ADAMTS17: variants seen among roughly 807,000 people sequenced by gnomAD.
ADAMTS17 encodes ADAM metallopeptidase with thrombospondin type 1 motif 17.
In ADAMTS17, 113 loss-of-function variants were observed where a neutral mutation model predicts 141.5. The ratio of observed to expected loss-of-function variants is 0.80; its 90% CI spans 0.69 to 0.93. The LOEUF (loss-of-function observed/expected upper bound fraction) is 0.93, where lower values mean the gene tolerates loss of function less well. Ranked by LOEUF, ADAMTS17 falls within the 40% of genes least tolerant of loss-of-function variation. The pLI is 0.00. For synonymous variants in ADAMTS17, 768 were observed against 630.6 expected (o/e 1.22, Z -3.27); for missense variants, 1,659 against 1,517.9 (o/e 1.09, Z -1.54).
At chr15:100,137,477 G>A (rs558991564) in intron 10 of ADAMTS17, among the ~76,000 whole-genome samples, 4 of 152,246 alleles carry the variant, frequency 2.6e-5, no homozygotes, top group African/African-American at 9.6e-5. Flanking sequence ...AAAGGGTGGG[G>A]CTTGGAGGTG....
intron 12 of ADAMTS17, among the ~76,000 whole-genome samples, chr15:100,125,600 T>A (rs982743299): frequency 6.6e-6 from 1 of 151,768 alleles, no homozygotes; most frequent in African/African-American, 2.4e-5. Context: ...TCCTCTCCCC[T>A]CCCTCCCCAG....
At position 100,296,605 on chromosome 15, in the gene ADAMTS17, A is replaced by ATG. The variant is rs764662958; in HGVS notation, c.617-15206_617-15205dup. 5.5e-4 allele frequency among the ~76,000 whole-genome samples: 77 copies of ATG among 140,012 alleles called. 1 individual carries two copies. The East Asian group carries it at 0.014, about 25-fold the overall frequency. 91.9% of individuals were successfully genotyped at this position (140,012 alleles called of 152,430 possible). ...GGTGTGTGTGTGTGTGTGTGTGTGT[A>ATG]TGTGTGTGTGTGCGCATGCACGCGC... is the stretch of plus-strand genomic sequence containing the variant. On this transcript the variant is annotated intron_variant, in intron 3 of 21. Coordinates refer to ENST00000268070, the MANE Select transcript of ADAMTS17 (RefSeq NM_139057.4).
At chr15:100,296,580 G>GTGTGT (rs1555504074) in intron 3 of ADAMTS17, among the ~76,000 whole-genome samples, 38 of 108,010 alleles carry the variant, frequency 3.5e-4, no homozygotes, top group African/African-American at 1.1e-3. Flanking sequence ...GGTGAGGGGG[G>GTGTGT]GTGTGTGTGT....
At chr15:100,250,615 T>C (rs1415658897) in intron 7 of ADAMTS17, among the ~76,000 whole-genome samples, 1 of 152,184 alleles carries the variant, frequency 6.6e-6, no homozygotes, top group Non-Finnish European at 1.5e-5. Context: ...TGGACTTCTG[T>C]TCCTGATTGT....
chr15:99,974,901 G>C lies in ADAMTS17; in HGVS notation c.3128-339C>G, dbSNP rs1389643814. 2.6e-5 allele frequency among the ~76,000 whole-genome samples: 4 copies of C among 152,198 alleles called. No homozygotes were observed. In the East Asian group the frequency reaches 5.8e-4, roughly 22 times the overall value. On this transcript the variant is annotated intron_variant, in intron 21 of 21. Transcript: ENST00000268070. ...CATTACTGTAGGCATTTATAAAACA[G>C]GACAACATGGAACAGTGGACATCAA...
intron 7 of ADAMTS17, among the ~76,000 whole-genome samples, chr15:100,236,782 G>GCAGTCAT (rs2042669884): frequency 6.6e-6 from 1 of 152,124 alleles, no homozygotes; most frequent in Non-Finnish European, 1.5e-5. Flanking sequence ...AGGCTGCAGT[G>GCAGTCAT]AGCTATGACT....
chr15:100,331,271 C>G (rs780804901), intron 2 of ADAMTS17, among the ~76,000 whole-genome samples: 1 of 152,128 alleles, frequency 6.6e-6, no homozygotes, highest in Non-Finnish European at 1.5e-5. Flanking sequence ...GGTAGGGGTA[C>G]AGAGACAGAT....
intron 18 of ADAMTS17, among the ~76,000 whole-genome samples, chr15:100,027,852 G>A (rs940838359): frequency 6.6e-6 from 1 of 152,184 alleles, no homozygotes; most frequent in Non-Finnish European, 1.5e-5. Flanking sequence ...CCTGAGAACT[G>A]GGAGTCTGAG....
intron 4 of ADAMTS17, among the ~76,000 whole-genome samples, chr15:100,266,949 A>G (rs1333440429): frequency 6.6e-6 from 1 of 152,214 alleles, no homozygotes; most frequent in Non-Finnish European, 1.5e-5. Flanking sequence ...CTAAGTACCC[A>G]GTAAATCAAT....
intron 10 of ADAMTS17, among the ~76,000 whole-genome samples, chr15:100,149,959 A>T (rs1251415016): frequency 1.3e-5 from 2 of 152,232 alleles, no homozygotes; most frequent in Admixed American, 6.5e-5. Context: ...ATCACCACTG[A>T]CCAGCTGAGG....
chr15:100,310,382 A>C (rs142076079), intron 3 of ADAMTS17, among the ~76,000 whole-genome samples: 8 of 152,318 alleles, frequency 5.3e-5, no homozygotes, highest in African/African-American at 1.9e-4. Flanking sequence ...ATCTTCTAGG[A>C]GTGTGTTGTA....
At chr15:100,326,422 G>C (rs1347310089) in intron 3 of ADAMTS17, among the ~76,000 whole-genome samples, 1 of 152,192 alleles carries the variant, frequency 6.6e-6, no homozygotes, top group Non-Finnish European at 1.5e-5. Context: ...ATTTCAGAGG[G>C]ATTGGCCCTT....
intron 3 of ADAMTS17, among the ~76,000 whole-genome samples, chr15:100,317,514 C>T (rs1461985416): frequency 6.6e-6 from 1 of 152,116 alleles, no homozygotes; most frequent in Non-Finnish European, 1.5e-5. Flanking sequence ...CAGCTGACCC[C>T]TAACATCAGC....
At chr15:100,110,328 G>C (rs553374390) in intron 13 of ADAMTS17, among the ~76,000 whole-genome samples, 1 of 150,126 alleles carries the variant, frequency 6.7e-6, no homozygotes, top group South Asian at 2.1e-4. Context: ...GCAGTGGCGC[G>C]ATCTCAGCTC....
chr15:100,254,118 T>C lies in ADAMTS17; in HGVS notation c.1075+18A>G. On this transcript the variant is annotated intron_variant, in intron 7 of 21. Coordinates refer to ENST00000268070, the MANE Select transcript of ADAMTS17 (RefSeq NM_139057.4). Reference sequence around the variant, plus strand: ...GGTGTATCAGCCCCTTAGATTATTATTTCAACTCTAAACTTACCAACAGTG... The same window carrying C: ...GGTGTATCAGCCCCTTAGATTATTACTTCAACTCTAAACTTACCAACAGTG... 2.5e-6 allele frequency: 4 copies of C among 1,610,386 alleles called. No individual in the cohort carries two copies. The highest frequency in any genetic ancestry group is 3.4e-6 in the Non-Finnish European group (4 of 1,176,614).
At chr15:100,072,312 A>C (rs369298893) in intron 15 of ADAMTS17, among the ~76,000 whole-genome samples, 1 of 148,570 alleles carries the variant, frequency 6.7e-6, no homozygotes, top group African/African-American at 2.5e-5. Flanking sequence ...AATCAATATC[A>C]TGAAAATGGC....
intron 20 of ADAMTS17, among the ~76,000 whole-genome samples, chr15:99,989,387 G>A (rs957889734): frequency 1.3e-5 from 2 of 152,242 alleles, no homozygotes; most frequent in African/African-American, 4.8e-5. Context: ...AATAGTACAG[G>A]CTGCATTTAG....
At chr15:100,194,412 T>C (rs1310634172) in intron 8 of ADAMTS17, among the ~76,000 whole-genome samples, 1 of 152,222 alleles carries the variant, frequency 6.6e-6, no homozygotes, top group Non-Finnish European at 1.5e-5. Context: ...TTCACAGAGC[T>C]ATGCACTTTC....
In ADAMTS17 at chr15:100,107,117, G is replaced by A. The variant is rs76900518; in HGVS notation, c.2016+1872C>T. 4.9e-3 allele frequency among the ~76,000 whole-genome samples: 747 copies of A among 152,340 alleles called. 12 individuals carry two copies. The East Asian group carries it at 0.062, about 13-fold the overall frequency. On this transcript the variant is annotated intron_variant, in intron 14 of 21. Transcript: ENST00000268070. ...ACTGATTTGGCCTTAGCAGGAAAAA[G>A]CATCTGTTTGGGTGGAAACGGTTTG...
Sources: allele counts gnomAD v4.1 joint callset (sites outside exome capture counted in the v4.1 genomes callset), GRCh38; gene constraint gnomAD v4.1.1; transcripts MANE v1.5; gene names NCBI Gene and HGNC (gene_info 2026-07-23, HGNC 2026-07-21).